Variants in TSPEAR observed in about 807,000 individuals in gnomAD.
TSPEAR encodes thrombospondin-type laminin G domain and EAR repeat-containing protein.
Under a neutral mutation model 71.6 loss-of-function variants are expected in TSPEAR, and 69 were observed. That is an observed-to-expected ratio of 0.96 (90% confidence interval 0.79 to 1.18). TSPEAR has a LOEUF of 1.18. Among genes scored for constraint, TSPEAR ranks in the 50% most tolerant of loss-of-function variants. The probability of loss-of-function intolerance (pLI) is 0.00; values close to 1 mark genes in which losing one functional copy is unlikely to be tolerated. For missense variants in TSPEAR, 971 were observed against 894.9 expected, an observed-to-expected ratio of 1.09 and a Z score of -1.09; for synonymous variants, 402 against 387.2, an observed-to-expected ratio of 1.04 and a Z score of -0.45.
intron 1 of TSPEAR, among the ~76,000 whole-genome samples, chr21:44,610,074 G>A (rs1188822212): frequency 6.6e-6 from 1 of 152,196 alleles, no homozygotes; most frequent in Non-Finnish European, 1.5e-5. Context: ...AGAGGGGGGT[G>A]TTAAAGGCAT....
At chr21:44,628,511 C>T (rs1417204457) in intron 1 of TSPEAR, among the ~76,000 whole-genome samples, 2 of 152,050 alleles carry the variant, frequency 1.3e-5, no homozygotes, top group Non-Finnish European at 2.9e-5. Flanking sequence ...TCTTGTGTGA[C>T]ACCTGGAAGC....
rs1162382688 is a variant in TSPEAR at position 44,559,640 on chromosome 21, TG to T, written c.303+8144del. ...GGCTCCTGGACATTGTCATAGTAAATGTACAAATAAAAGGGTCTGATTGCAG... is the reference window on the plus strand; with the variant it reads ...GGCTCCTGGACATTGTCATAGTAAATTACAAATAAAAGGGTCTGATTGCAG... On this transcript the variant is annotated intron_variant, in intron 2 of 11. Coordinates refer to ENST00000323084, the MANE Select transcript of TSPEAR (RefSeq NM_144991.3). 1.3e-5 allele frequency among the ~76,000 whole-genome samples: 2 copies of T among 152,068 alleles called. 1 individual carries two copies. Among genetic ancestry groups the T allele is most frequent in the Middle Eastern group, 6.3e-3 (2 of 316 alleles).
intron 2 of TSPEAR, among the ~76,000 whole-genome samples, chr21:44,566,088 G>T (rs1362911442): frequency 1.3e-5 from 2 of 152,196 alleles, no homozygotes; most frequent in Non-Finnish European, 2.9e-5. Flanking sequence ...GCTGAGGCGG[G>T]AGAATCGCTT....
At chr21:44,694,354 A>G (rs890076109) in intron 1 of TSPEAR, among the ~76,000 whole-genome samples, 1 of 152,276 alleles carries the variant, frequency 6.6e-6, no homozygotes, top group Non-Finnish European at 1.5e-5. Context: ...TGAAGTATCT[A>G]GAACAGGCAA....
chr21:44,626,909 T>C (rs1982827395), intron 1 of TSPEAR, among the ~76,000 whole-genome samples: 1 of 150,512 alleles, frequency 6.6e-6, no homozygotes, highest in Admixed American at 6.6e-5. Flanking sequence ...GCCCCTGAGG[T>C]TCCACATGCA....
At chr21:44,539,599 G>C (rs200124107) in intron 2 of TSPEAR, 1 of 1,613,792 alleles carries the variant, frequency 6.2e-7, no homozygotes, top group Admixed American at 1.7e-5. Context: ...GGACGGGCAC[G>C]CAGCAGGCCT....
Position 44,521,887 on chromosome 21 carries a change from A to G in TSPEAR, c.1562T>C (p.Phe521Ser). 6.2e-7 allele frequency: 1 copy of G among 1,613,242 alleles called. No homozygotes were observed. Among genetic ancestry groups the G allele is most frequent in the African/African-American group, 1.3e-5 (1 of 75,008 alleles). ...GGCTCATGCGGGGGGCCTTACCGGGAAGGACTGGAAGAGCTGGAAGGAGCC... is the reference window on the plus strand; with the variant it reads ...GGCTCATGCGGGGGGCCTTACCGGGGAGGACTGGAAGAGCTGGAAGGAGCC... ...LLGSFQLFQSFPTFGAADWEV... is the reference protein window; with the variant it reads ...LLGSFQLFQSSPTFGAADWEV... Residue 521 changes from phenylalanine to serine, a missense_variant, in exon 9 of 12, where the codon TTC (phenylalanine) becomes TCC (serine). Transcript: ENST00000323084.
intron 1 of TSPEAR, chr21:44,575,314 C>A: frequency 2.3e-6 from 1 of 428,714 alleles, no homozygotes; most frequent in Non-Finnish European, 4.4e-6. Flanking sequence ...AGCCGCAGAG[C>A]CTTCTTTGGA....
intron 11 of TSPEAR, among the ~76,000 whole-genome samples, chr21:44,504,325 G>A (rs1453209839): frequency 7.2e-6 from 1 of 139,278 alleles, no homozygotes; most frequent in Non-Finnish European, 1.5e-5. Flanking sequence ...GGGGAAGCAA[G>A]GCACTGGGAG....
chr21:44,603,301 C>T (rs1981099643), intron 1 of TSPEAR, among the ~76,000 whole-genome samples: 1 of 152,196 alleles, frequency 6.6e-6, no homozygotes, highest in Non-Finnish European at 1.5e-5. Context: ...TTCTCTCTGG[C>T]ACCAGGGCTA....
At chr21:44,544,359 G>C (rs782521000) in intron 2 of TSPEAR, among the ~76,000 whole-genome samples, 2 of 152,140 alleles carry the variant, frequency 1.3e-5, no homozygotes, top group African/African-American at 2.4e-5. Flanking sequence ...CTACAAAGGG[G>C]CATGAGGGAA....
intron 2 of TSPEAR, among the ~76,000 whole-genome samples, chr21:44,545,350 A>AGC (rs1192037341): frequency 3.3e-5 from 5 of 152,270 alleles, no homozygotes; most frequent in Admixed American, 3.3e-4. Flanking sequence ...TTAATTAAAA[A>AGC]AAAAAGAATT....
chr21:44,531,134 C>T lies in TSPEAR; in HGVS notation c.543-1G>A, dbSNP rs1182814378. 3.1e-6 allele frequency: 5 copies of T among 1,613,134 alleles called. No individual in the cohort carries two copies. Among genetic ancestry groups the T allele is most frequent in the Admixed American group, 1.7e-5 (1 of 59,970 alleles). The stretch of plus-strand genomic sequence containing the variant: ...GGCTGGGAAGGGCACATCGGCCATT[C>T]TGAAAATATCAAAGGACTGTGTTAG... On this transcript the variant is annotated splice_acceptor_variant, in intron 3 of 11. Transcript: ENST00000323084. LOFTEE classifies it high-confidence loss of function.
At chr21:44,578,808 T>G (rs1246606263) in intron 1 of TSPEAR, among the ~76,000 whole-genome samples, 1 of 152,194 alleles carries the variant, frequency 6.6e-6, no homozygotes, top group Non-Finnish European at 1.5e-5. Flanking sequence ...CTTGTCCACC[T>G]GTGCCCTCCA....
chr21:44,699,656 G>A (rs1987557467), intron 1 of TSPEAR, among the ~76,000 whole-genome samples: 1 of 152,182 alleles, frequency 6.6e-6, no homozygotes, highest in South Asian at 2.1e-4. Flanking sequence ...CGTCTCCCTG[G>A]GCTTCTGGGA....
intron 1 of TSPEAR, among the ~76,000 whole-genome samples, chr21:44,569,263 CGCAGGGTGTGAT>C (rs2053752949): frequency 2.0e-5 from 3 of 152,106 alleles, no homozygotes; most frequent in Non-Finnish European, 4.4e-5. Flanking sequence ...GGGTGTGAAA[CGCAGGGTGTGAT>C]GGGCACTTCT....
In TSPEAR at chr21:44,610,394, G is replaced by A. The variant is rs587606692; in HGVS notation, c.83-42389C>T. On this transcript the variant is annotated intron_variant, in intron 1 of 11. Coordinates refer to ENST00000323084, the MANE Select transcript of TSPEAR (RefSeq NM_144991.3). ...GGAGCCAATGTACAGCTCAGACTGT[G>A]GCTTCAGAGGGTGGAAGCCCCAAGC... 1.1e-4 allele frequency among the ~76,000 whole-genome samples: 16 copies of A among 152,338 alleles called. No homozygotes were observed. The South Asian group carries it at 1.9e-3, about 18-fold the overall frequency.
intron 1 of TSPEAR, chr21:44,690,431 C>T (rs1458146770): frequency 4.3e-6 from 2 of 467,712 alleles, no homozygotes; most frequent in East Asian, 3.1e-4. Flanking sequence ...CAAGTGGTTC[C>T]CATGGGCTTC....
At chr21:44,708,086 C>G (rs1215212308) in intron 1 of TSPEAR, among the ~76,000 whole-genome samples, 2 of 147,688 alleles carry the variant, frequency 1.4e-5, no homozygotes, top group South Asian at 4.2e-4. Context: ...AGAGAGCGAG[C>G]GAGAGAGGAC....
Sources: gnomAD v4.1 joint callset for allele counts (sites outside exome capture counted in the v4.1 genomes callset) on GRCh38, gnomAD v4.1.1 for gene constraint, MANE v1.5 for transcripts, NCBI Gene and HGNC (gene_info 2026-07-23, HGNC 2026-07-21) for gene names.